The following NID1 variants were observed in gnomAD, a reference collection of about 807,000 sequenced individuals.
The protein encoded by NID1 is nidogen-1.
Under a neutral mutation model 130.6 loss-of-function variants are expected in NID1, and 76 were observed. The ratio of observed to expected loss-of-function variants is 0.58; its 90% confidence interval spans 0.48 to 0.70. NID1 has a LOEUF of 0.70. Ranked by LOEUF, NID1 falls within the 30% of genes least tolerant of loss-of-function variation. NID1 has a pLI of 0.00. For synonymous variants in NID1, 665 were observed against 675.1 expected (o/e 0.98, Z 0.23); for missense variants, 1,517 against 1,664.8 (o/e 0.91, Z 1.54).
intron 9 of NID1, among the ~76,000 whole-genome samples, chr1:236,019,318 C>A (rs1201126849): frequency 1.3e-5 from 2 of 152,254 alleles, no homozygotes; most frequent in East Asian, 3.8e-4. Context: ...AGGACACTCC[C>A]AGCACAGATG....
chr1:236,042,599 G>A (rs776126796), intron 3 of NID1, among the ~76,000 whole-genome samples: 7 of 152,210 alleles, frequency 4.6e-5, no homozygotes, highest in Non-Finnish European at 7.3e-5. Context: ...CTAATTGCTG[G>A]TTACATGCTC....
Position 236,015,667 on chromosome 1 carries a change from A to AG in NID1, c.2254+1480dup, listed in dbSNP as rs1572597281. On this transcript the variant is annotated intron_variant, in intron 10 of 19. Transcript: ENST00000264187. ...TGTCTCAAAAAAAAAAAAAAAAAAA[A>AG]GGGAGGCTAGAGCTCAGGGGAGAGG... 4.7e-5 allele frequency among the ~76,000 whole-genome samples: 7 copies of AG among 149,950 alleles called. No homozygotes were observed. In the East Asian group the frequency reaches 1.4e-3, roughly 29 times the overall value.
At chr1:236,037,958 A>T in intron 5 of NID1, 146 bp downstream of exon 5, 1 of 921,686 alleles carries the variant, frequency 1.1e-6, no homozygotes, top group Non-Finnish European at 1.5e-6. Context: ...AGAAAAAATG[A>T]GGAAAGAGAG....
intron 1 of NID1, among the ~76,000 whole-genome samples, chr1:236,062,993 A>T (rs181456685): frequency 6.6e-6 from 1 of 151,330 alleles, no homozygotes; most frequent in African/African-American, 2.4e-5. Context: ...GTCTATACTA[A>T]AAATGCAAAA....
intron 6 of NID1, among the ~76,000 whole-genome samples, chr1:236,031,150 A>G (rs1659086975): frequency 6.6e-6 from 1 of 150,530 alleles, no homozygotes; most frequent in South Asian, 2.1e-4. Flanking sequence ...ACAGAGTCTC[A>G]CTCTGTTGCC....
chr1:236,051,770 C>T (rs1659768955), intron 1 of NID1, among the ~76,000 whole-genome samples: 1 of 152,236 alleles, frequency 6.6e-6, no homozygotes, highest in African/African-American at 2.4e-5. Flanking sequence ...TGGAAGTGAT[C>T]ACAGGGAGGC....
intron 19 of NID1, 104 bp from the exon 20 acceptor site, chr1:235,978,092 C>G (rs960681868): frequency 2.9e-6 from 4 of 1,400,536 alleles, no homozygotes; most frequent in Non-Finnish European, 3.9e-6. Flanking sequence ...TTTTAGTTTC[C>G]TTGAAGCCAT....
At chr1:236,036,116 G>T (rs1572610542) in intron 5 of NID1, among the ~76,000 whole-genome samples, 1 of 152,132 alleles carries the variant, frequency 6.6e-6, no homozygotes, top group South Asian at 2.1e-4. Flanking sequence ...AAGGCTAAGA[G>T]GTTGCTCTTT....
intron 12 of NID1, among the ~76,000 whole-genome samples, chr1:236,003,187 T>TGGTAGTTGTCACTCCTAGTGAACGACC (rs796505687): frequency 6.9e-6 from 1 of 145,314 alleles, no homozygotes; most frequent in Non-Finnish European, 1.5e-5. Context: ...AGTGAACGAC[T>TGGTAGTTGTCACTCCTAGTGAACGACC]GGTAGTTGTC....
intron 9 of NID1, among the ~76,000 whole-genome samples, chr1:236,019,245 C>A (rs535082249): frequency 2.4e-4 from 37 of 152,316 alleles, no homozygotes; most frequent in Admixed American, 4.6e-4. Context: ...CATCAGCTGC[C>A]GCTGCAACAT....
chr1:236,038,090 G>A lies in NID1; in HGVS notation c.1285+14C>T. 6.3e-7 allele frequency: 1 copy of A among 1,587,296 alleles called. No individual in the cohort carries two copies. The highest frequency in any genetic ancestry group is 8.6e-7 in the Non-Finnish European group (1 of 1,161,100). ...CCTTCTCCCGCATGAAACGAACATA[G>A]AAAAGCAAATTACCTTCTGCAACAC... On this transcript the variant is annotated intron_variant, in intron 5 of 19. Coordinates refer to ENST00000264187, the MANE Select transcript of NID1 (RefSeq NM_002508.3).
At position 236,064,854 on chromosome 1, in the gene NID1, C is replaced by G; in HGVS notation, c.225+1G>C. On this transcript the variant is annotated splice_donor_variant, in intron 1 of 19. Coordinates refer to ENST00000264187, the MANE Select transcript of NID1 (RefSeq NM_002508.3). LOFTEE classifies it high-confidence loss of function. ...CGCCCGCCCTCCCGGGGCTCACTCACGTAGACTGCGTCGATGTCGGATCTG... is the reference window on the plus strand; with the variant it reads ...CGCCCGCCCTCCCGGGGCTCACTCAGGTAGACTGCGTCGATGTCGGATCTG... The G allele has an allele frequency of 6.2e-7, 1 of 1,610,218 alleles. No individual in the cohort carries two copies. The highest frequency in any genetic ancestry group is 8.5e-7 in the Non-Finnish European group (1 of 1,178,662).
rs115539943 is a variant in NID1, at chr1:236,040,410, C to T, written c.1135+1500G>A. On this transcript the variant is annotated intron_variant, in intron 4 of 19. Coordinates refer to ENST00000264187, the MANE Select transcript of NID1 (RefSeq NM_002508.3). ...CATCTCGTCCACAGTTTGGGATACT[C>T]GTGAGAACAAGCGTGTATGGCTACT... Among the ~76,000 whole-genome samples the T allele has an allele frequency of 4.0e-3, 604 of 152,248 alleles. 5 individuals are homozygous for T. Among genetic ancestry groups the T allele is most frequent in the African/African-American group, 0.013 (560 of 41,544 alleles).
At chr1:236,007,298 T>C (rs1658277754) in intron 12 of NID1, among the ~76,000 whole-genome samples, 1 of 152,208 alleles carries the variant, frequency 6.6e-6, no homozygotes, top group African/African-American at 2.4e-5. Context: ...AGACATTTAA[T>C]GCCTCTCTTT....
Position 236,041,948 on chromosome 1 carries a change from T to C in NID1, c.1097A>G (p.Gln366Arg). ...CTCAACTTCATCCACATCTATGACC[T>C]GAGGGTGCTGCTGGTGAAAAGTCTC... Reference protein sequence around the residue: ...AVETFHQQHPQVIDVDEVEET... With the variant: ...AVETFHQQHPRVIDVDEVEET... The change falls in exon 4 of 20, where the codon CAG becomes CGG. Residue 366 changes from glutamine to arginine, a missense_variant. By Grantham distance (43) the Gln-to-Arg change is conservative (BLOSUM62 1). This residue lies in a region of NID1 where 1,329 missense variants were observed against 1,429.2 expected (regional missense o/e 0.93). Coordinates refer to ENST00000264187, the MANE Select transcript of NID1 (RefSeq NM_002508.3). The C allele has an allele frequency of 6.2e-7, 1 of 1,613,910 alleles. No individual in the cohort carries two copies. The highest frequency in any genetic ancestry group is 1.1e-5 in the South Asian group (1 of 91,042).
chr1:235,996,871 G>T (rs1023339450), intron 12 of NID1, among the ~76,000 whole-genome samples: 17 of 151,954 alleles, frequency 1.1e-4, no homozygotes, highest in African/African-American at 3.9e-4. Context: ...TTTTGCTCTT[G>T]TTGCCTGGGC....
chr1:235,978,973 A>G, intron 19 of NID1, 22 bp downstream of exon 19: 1 of 1,549,342 alleles, frequency 6.5e-7, no homozygotes, highest in South Asian at 1.1e-5. Context: ...GTATGCCAAC[A>G]GTAACAGCAC....
chr1:235,999,909 T>G (rs1658030292), intron 12 of NID1, among the ~76,000 whole-genome samples: 2 of 152,120 alleles, frequency 1.3e-5, no homozygotes, highest in Non-Finnish European at 2.9e-5. Flanking sequence ...AACATCAACA[T>G]GGACCTTAAG....
chr1:236,007,514 C>T (rs1045434552), intron 12 of NID1, among the ~76,000 whole-genome samples: 10 of 152,114 alleles, frequency 6.6e-5, no homozygotes, highest in Non-Finnish European at 8.8e-5. Context: ...TCAACAGAAG[C>T]GATACTTGTC....
Sources: allele counts gnomAD v4.1 joint callset (sites outside exome capture counted in the v4.1 genomes callset), GRCh38; gene constraint gnomAD v4.1.1; regional missense constraint gnomAD v4.1.1; transcripts MANE v1.5; gene names NCBI Gene and HGNC (gene_info 2026-07-23, HGNC 2026-07-21).